Variants in DCT observed in about 807,000 individuals in gnomAD.
DCT encodes the protein dopachrome tautomerase.
In DCT, 47 loss-of-function variants were observed where a neutral mutation model predicts 53.0. The ratio of observed to expected loss-of-function variants is 0.89; its 90% CI spans 0.70 to 1.13. DCT has a LOEUF of 1.13. Ranked by LOEUF, DCT falls within the 50% of genes most tolerant of loss-of-function variation. The probability of loss-of-function intolerance (pLI) is 0.00; values close to 1 mark genes in which losing one functional copy is unlikely to be tolerated. For missense variants in DCT, 669 were observed against 637.4 expected (o/e 1.05, Z -0.53); for synonymous variants, 244 against 237.0 (o/e 1.03, Z -0.27).
chr13:94,468,210 A>C (rs1455782454), intron 2 of DCT: 1 of 154,372 alleles, frequency 6.5e-6, no homozygotes, highest in African/African-American at 2.4e-5. Context: ...GGAGTACCAT[A>C]AATGATTATC....
chr13:94,443,697 T>C, intron 6 of DCT, 60 bp from the exon 7 acceptor site: 1 of 1,341,102 alleles, frequency 7.5e-7, no homozygotes, highest in Non-Finnish European at 1.1e-6. Flanking sequence ...CACACCAACC[T>C]GACTGTTGCT....
Position 94,443,485 on chromosome 13 carries a change from G to T in DCT, c.1332C>A (p.Leu444=), listed in dbSNP as rs1179611049. Residue 444 remains leucine (L), a synonymous_variant, in exon 7 of 8, where the codon CTC becomes CTA. Coordinates refer to ENST00000377028, the MANE Select transcript of DCT (RefSeq NM_001922.5). ...AGCCAAGTTGGTCTGAGGTTAAAAA[G>T]AGTTCTTCATTAGTCACTGGAGGGA... ...PFFPPVTNEE[L]FLTSDQLGYS... The T allele has an allele frequency of 2.5e-6, 4 of 1,613,966 alleles. No homozygotes were observed. In the Admixed American group the frequency reaches 6.7e-5, roughly 27 times the overall value.
At chr13:94,458,010 C>G (rs1282340188) in intron 6 of DCT, among the ~76,000 whole-genome samples, 1 of 152,098 alleles carries the variant, frequency 6.6e-6, no homozygotes, top group Non-Finnish European at 1.5e-5. Context: ...CGGATCAGGA[C>G]AAAAACAAGA....
Position 94,453,757 on chromosome 13 carries a change from C to A in DCT, c.1179+6334G>T, listed in dbSNP as rs939649850. Among the ~76,000 whole-genome samples the A allele has an allele frequency of 2.0e-5, 3 of 152,134 alleles. No individual in the cohort carries two copies. In the East Asian group the frequency reaches 5.8e-4, roughly 29 times the overall value. ...AAATGAGAGTTTTCCTGCACAAGTT[C>A]TCTCTTGGCTGCCACCATGTAAGAT... On this transcript the variant is annotated intron_variant, in intron 6 of 7. Coordinates refer to ENST00000377028, the MANE Select transcript of DCT (RefSeq NM_001922.5).
intron 6 of DCT, chr13:94,452,481 A>G: frequency 6.5e-6 from 4 of 615,478 alleles, no homozygotes; most frequent in Non-Finnish European, 1.1e-5. Context: ...GCTCTGACAC[A>G]TAGGTGACAC....
chr13:94,503,177 A>G, the DCT span, among the ~76,000 whole-genome samples: 1 of 152,064 alleles, frequency 6.6e-6, no homozygotes, highest in African/African-American at 2.4e-5. Flanking sequence ...CAGGAGTTCA[A>G]CGCCAGCCTG....
intron 6 of DCT, chr13:94,445,596 TA>T: frequency 1.5e-6 from 1 of 674,526 alleles, no homozygotes. Flanking sequence ...ACAGAAATGG[TA>T]AGAAATGAAA....
the DCT span, among the ~76,000 whole-genome samples, chr13:94,529,590 A>G: frequency 6.6e-6 from 1 of 152,250 alleles, no homozygotes; most frequent in Non-Finnish European, 1.5e-5. Flanking sequence ...CTTTGAAACC[A>G]ATGAGAACAA....
intron 1 of DCT, among the ~76,000 whole-genome samples, chr13:94,471,332 C>T (rs1216852531): frequency 3.3e-5 from 5 of 151,988 alleles, no homozygotes; most frequent in Non-Finnish European, 5.9e-5. Flanking sequence ...CCACCTTTTA[C>T]GTAGCTCAAT....
chr13:94,497,097 T>C, the DCT span, among the ~76,000 whole-genome samples: 1 of 152,220 alleles, frequency 6.6e-6, no homozygotes, highest in Non-Finnish European at 1.5e-5. Flanking sequence ...TTCTGCGGGG[T>C]ATTTTCTGGA....
At chr13:94,470,375 T>C (rs991053815) in intron 1 of DCT, among the ~76,000 whole-genome samples, 1 of 152,182 alleles carries the variant, frequency 6.6e-6, no homozygotes, top group Non-Finnish European at 1.5e-5. Context: ...AAGATCAAGC[T>C]CTGGGCATCT....
the DCT span, among the ~76,000 whole-genome samples, chr13:94,505,750 T>C: frequency 6.6e-6 from 1 of 152,224 alleles, no homozygotes; most frequent in African/African-American, 2.4e-5. Context: ...TAGCCAACAC[T>C]ATTGTCTTCT....
the DCT span, among the ~76,000 whole-genome samples, chr13:94,545,607 T>A: frequency 6.6e-6 from 1 of 152,184 alleles, no homozygotes; most frequent in East Asian, 1.9e-4. Flanking sequence ...AGGGCACACC[T>A]GAAGCTGTCC....
the DCT span, among the ~76,000 whole-genome samples, chr13:94,528,239 C>A: frequency 6.6e-6 from 1 of 152,172 alleles, no homozygotes; most frequent in African/African-American, 2.4e-5. Flanking sequence ...AGGAGAACTT[C>A]CCTAACCTAG....
At chr13:94,501,186 G>A in the DCT span, among the ~76,000 whole-genome samples, 2 of 152,150 alleles carry the variant, frequency 1.3e-5, no homozygotes, top group South Asian at 2.1e-4. Context: ...GGAGAATGGC[G>A]TGAACCCGGG....
At chr13:94,466,247 G>A (rs1168046337) in intron 3 of DCT, among the ~76,000 whole-genome samples, 1 of 151,686 alleles carries the variant, frequency 6.6e-6, no homozygotes, top group Admixed American at 6.6e-5. Context: ...GGGAGAAATG[G>A]GAAGATGTAG....
chr13:94,449,739 G>A (rs1316400739), intron 6 of DCT, among the ~76,000 whole-genome samples: 2 of 152,160 alleles, frequency 1.3e-5, no homozygotes, highest in Admixed American at 1.3e-4. Context: ...TGCTATTTTA[G>A]GGAAATATCT....
At chr13:94,482,089 G>T (rs1302445179), upstream of DCT, among the ~76,000 whole-genome samples, 1 of 152,198 alleles carries the variant, frequency 6.6e-6, no homozygotes, top group African/African-American at 2.4e-5. Context: ...TCAGGCATAC[G>T]ATCAGTAGTT....
At position 94,462,064 on chromosome 13, in the gene DCT, G is replaced by T; in HGVS notation, c.989C>A (p.Ser330Tyr). ...PTLKDIRDCL[S>Y]LQKFDNPPFF... ...GGGAGGATTGTCAAACTTCTGGAGA[G>T]ACAGGCAATCTCGTATGTCTTTTAA... is the stretch of plus-strand genomic sequence containing the variant. The change falls in exon 5 of 8, where the codon TCT becomes TAT. Residue 330 changes from serine (S) to tyrosine (Y), a missense_variant. Physicochemically the swap from Ser to Tyr is moderately radical, Grantham distance 144. Coordinates refer to ENST00000377028, the MANE Select transcript of DCT (RefSeq NM_001922.5). 6.2e-7 allele frequency: 1 copy of T among 1,613,320 alleles called. No homozygotes were observed.
Sources: allele counts gnomAD v4.1 joint callset (sites outside exome capture counted in the v4.1 genomes callset), GRCh38; gene constraint gnomAD v4.1.1; transcripts MANE v1.5; gene names NCBI Gene and HGNC (gene_info 2026-07-23, HGNC 2026-07-21).